Variants in XKR9 observed in about 807,000 individuals in gnomAD.
XKR9 encodes the protein XK-related protein 9.
Under a neutral mutation model 32.0 loss-of-function variants are expected in XKR9, and 32 were observed. The observed-to-expected ratio is 1.00, with a 90% confidence interval of 0.76 to 1.34. The LOEUF is 1.34. Among genes scored for constraint, XKR9 ranks in the 40% most tolerant of loss-of-function variants. The pLI, the probability that XKR9 is intolerant of heterozygous loss-of-function variation, is 0.00. For synonymous variants in XKR9, 168 were observed against 143.4 expected (o/e 1.17, Z -1.22); for missense variants, 546 against 429.7 (o/e 1.27, Z -2.39).
chr8:70,741,202 G>C (rs924497828), intron 2 of XKR9, among the ~76,000 whole-genome samples: 3 of 152,202 alleles, frequency 2.0e-5, no homozygotes, highest in Non-Finnish European at 2.9e-5. Context: ...ACTTTGGGCA[G>C]TATTTAAGAT....
chr8:70,678,399 A>G (rs1360776051), intron 2 of XKR9, among the ~76,000 whole-genome samples: 2 of 152,220 alleles, frequency 1.3e-5, no homozygotes, highest in Non-Finnish European at 2.9e-5. Flanking sequence ...TAAAGATCAA[A>G]TCATTGTAGT....
the XKR9 span, among the ~76,000 whole-genome samples, chr8:71,003,372 T>C: frequency 6.6e-6 from 1 of 152,242 alleles, no homozygotes; most frequent in South Asian, 2.1e-4. Context: ...CCTTGATACA[T>C]GTCATTTAAC....
At chr8:70,679,409 G>T (rs892755581) in intron 2 of XKR9, among the ~76,000 whole-genome samples, 2 of 152,030 alleles carry the variant, frequency 1.3e-5, no homozygotes, top group Admixed American at 6.6e-5. Context: ...ACCCTATAAG[G>T]TATATACCAT....
the XKR9 span, among the ~76,000 whole-genome samples, chr8:70,965,504 G>A: frequency 6.6e-6 from 1 of 152,170 alleles, no homozygotes; most frequent in South Asian, 2.1e-4. Flanking sequence ...CAATTGTTTG[G>A]AATTGTTTCA....
At chr8:70,906,782 C>T in the XKR9 span, among the ~76,000 whole-genome samples, 1 of 152,072 alleles carries the variant, frequency 6.6e-6, no homozygotes, top group Non-Finnish European at 1.5e-5. Flanking sequence ...ATATTGGCAT[C>T]TATGTAAATG....
At chr8:70,743,235 C>T (rs1807013399) in intron 2 of XKR9, among the ~76,000 whole-genome samples, 2 of 151,772 alleles carry the variant, frequency 1.3e-5, no homozygotes, top group African/African-American at 2.4e-5. Flanking sequence ...TTGAAATTTC[C>T]TTGGGTTCTT....
At chr8:70,887,815 G>A in the XKR9 span, among the ~76,000 whole-genome samples, 2 of 152,076 alleles carry the variant, frequency 1.3e-5, no homozygotes, top group Non-Finnish European at 2.9e-5. Flanking sequence ...AGCTTAAGGA[G>A]CTTTGGGGCT....
chr8:70,857,623 G>A, the XKR9 span, among the ~76,000 whole-genome samples: 3 of 152,144 alleles, frequency 2.0e-5, no homozygotes, highest in Non-Finnish European at 4.4e-5. Flanking sequence ...CATGAGGCAA[G>A]CATCATCCTG....
At chr8:70,873,068 C>A in the XKR9 span, among the ~76,000 whole-genome samples, 1 of 152,124 alleles carries the variant, frequency 6.6e-6, no homozygotes, top group Non-Finnish European at 1.5e-5. Flanking sequence ...AATGGAAGAG[C>A]AAAGTCTGGA....
intron 3 of XKR9, among the ~76,000 whole-genome samples, chr8:70,702,471 C>T (rs1056376271): frequency 6.6e-6 from 1 of 152,084 alleles, no homozygotes; most frequent in African/African-American, 2.4e-5. Context: ...TTATCAATGT[C>T]CTTATTGATA....
chr8:70,752,763 A>C (rs13277267), intron 2 of XKR9, among the ~76,000 whole-genome samples: 4 of 152,140 alleles, frequency 2.6e-5, no homozygotes, highest in Non-Finnish European at 5.9e-5. Context: ...ACACATTTAA[A>C]GCAGTGTGTA....
intron 2 of XKR9, among the ~76,000 whole-genome samples, chr8:70,749,890 T>C (rs560576822): frequency 3.9e-5 from 6 of 152,364 alleles, no homozygotes; most frequent in African/African-American, 1.4e-4. Flanking sequence ...CATGTTGTGT[T>C]TATTCCTGAT....
intron 3 of XKR9, among the ~76,000 whole-genome samples, chr8:70,687,192 G>A (rs1351715813): frequency 6.6e-6 from 1 of 152,108 alleles, no homozygotes; most frequent in Non-Finnish European, 1.5e-5. Context: ...CAATGTATGA[G>A]TGAGAACATG....
At chr8:70,967,548 A>G in the XKR9 span, among the ~76,000 whole-genome samples, 2 of 152,080 alleles carry the variant, frequency 1.3e-5, 1 homozygote, top group Non-Finnish European at 2.9e-5. Context: ...TGTGCACTTC[A>G]GTGTGCTTTT....
At chr8:70,855,854 A>T in the XKR9 span, among the ~76,000 whole-genome samples, 1 of 152,232 alleles carries the variant, frequency 6.6e-6, no homozygotes, top group Non-Finnish European at 1.5e-5. Flanking sequence ...TTTTCAACCC[A>T]GAATTTCATA....
At chr8:70,891,659 C>T in the XKR9 span, among the ~76,000 whole-genome samples, 2 of 151,760 alleles carry the variant, frequency 1.3e-5, no homozygotes, top group African/African-American at 2.4e-5. Context: ...ATATTTGAGA[C>T]TCGTTTTGTG....
At chr8:70,962,378 A>T in the XKR9 span, among the ~76,000 whole-genome samples, 1 of 152,120 alleles carries the variant, frequency 6.6e-6, no homozygotes, top group Non-Finnish European at 1.5e-5. Context: ...TCCTTCTAAT[A>T]GTCGTCAGTG....
At chr8:70,988,333 T>TAAA in the XKR9 span, among the ~76,000 whole-genome samples, 31 of 139,534 alleles carry the variant, frequency 2.2e-4, no homozygotes, top group African/African-American at 7.7e-4. Context: ...CATGCGTGGT[T>TAAA]AAAAAAAAAA....
the XKR9 span, among the ~76,000 whole-genome samples, chr8:71,012,884 G>C: frequency 6.6e-6 from 1 of 152,148 alleles, no homozygotes; most frequent in Non-Finnish European, 1.5e-5. Context: ...AAGAAAGATT[G>C]ATAAACTTAA....
Sources: allele counts gnomAD v4.1 joint callset (sites outside exome capture counted in the v4.1 genomes callset), GRCh38; gene constraint gnomAD v4.1.1; transcripts MANE v1.5; gene names NCBI Gene and HGNC (gene_info 2026-07-23, HGNC 2026-07-21).